The following ABHD12 variants were observed in gnomAD, a reference collection of about 807,000 sequenced individuals.
ABHD12 encodes the protein abhydrolase domain containing 12, lysophospholipase.
ABHD12 carries 43 observed loss-of-function variants against 58.3 expected under a neutral mutation model. The observed-to-expected ratio is 0.74, with a 90% CI of 0.58 to 0.95. The LOEUF (loss-of-function observed/expected upper bound fraction) is 0.95. ABHD12 is among the 40% of genes least tolerant of loss of function. The pLI is 0.00. For synonymous variants in ABHD12, 219 were observed against 211.2 expected, an observed-to-expected ratio of 1.04 and a Z score of -0.32; for missense variants, 539 against 537.2, an observed-to-expected ratio of 1.00 and a Z score of -0.03.
rs1201588127 is a variant in ABHD12, at chr20:25,383,954, CAAAAAAAAAA to C, written c.191+6549_191+6558del. Among the ~76,000 whole-genome samples, 269 of 53,366 alleles carry C rather than the reference CAAAAAAAAAA, an allele frequency of 5.0e-3. 2 individuals are homozygous for C. The highest frequency in any genetic ancestry group is 0.013 in the African/African-American group (248 of 18,406). The allele number at this position is 53,366 out of a possible 152,430, so 35.0% of individuals were successfully genotyped here. A position where few individuals can be genotyped will look rare whatever the true frequency, so the allele number is the denominator to read the frequency against. On this transcript the variant is annotated intron_variant, in intron 1 of 12. Transcript: ENST00000339157. ...TGGGCAACAGAGGGAGACTCTTTCT[CAAAAAAAAAA>C]AAAAAAAAAAGAAAAAAAAGAAAAA...
chr20:25,370,672 C>G (rs547918390), intron 1 of ABHD12, among the ~76,000 whole-genome samples: 10 of 152,256 alleles, frequency 6.6e-5, no homozygotes, highest in Admixed American at 2.0e-4. Context: ...CCTGGGCAAG[C>G]TACTTAACCA....
intron 1 of ABHD12, among the ~76,000 whole-genome samples, chr20:25,355,560 T>G (rs114459638): frequency 0.011 from 1,705 of 152,282 alleles, 32 homozygotes; most frequent in African/African-American, 0.036. Flanking sequence ...CGGTTTTTTT[T>G]TTGTTGTTTG....
chr20:25,319,341 G>A (rs2089022839), intron 4 of ABHD12, among the ~76,000 whole-genome samples: 1 of 152,232 alleles, frequency 6.6e-6, no homozygotes, highest in African/African-American at 2.4e-5. Context: ...CTCAGGAAAA[G>A]CATCTGAGAT....
chr20:25,295,472 G>A (rs2424705), downstream of ABHD12: 171,949 of 1,003,746 alleles, frequency 0.17, 16,138 homozygotes, highest in East Asian at 0.33. Flanking sequence ...GACCAGCTGC[G>A]TGGGTGGGCC....
chr20:25,296,648 G>A (rs1476078405), downstream of ABHD12: 2 of 1,247,448 alleles, frequency 1.6e-6, no homozygotes, highest in Admixed American at 2.5e-5. Flanking sequence ...GTTTCCAGGA[G>A]GGGCCATGGG....
chr20:25,384,606 A>T (rs2090064155), intron 1 of ABHD12, among the ~76,000 whole-genome samples: 1 of 152,048 alleles, frequency 6.6e-6, no homozygotes, highest in Non-Finnish European at 1.5e-5. Flanking sequence ...TTAGCTAGGC[A>T]TGGTGGTGGG....
At chr20:25,314,200 T>C (rs2088918099) in intron 6 of ABHD12, among the ~76,000 whole-genome samples, 1 of 152,118 alleles carries the variant, frequency 6.6e-6, no homozygotes, top group Admixed American at 6.5e-5. Flanking sequence ...CACGAACTCC[T>C]GACCTCAAGT....
At chr20:25,381,933 C>T (rs571791391) in intron 1 of ABHD12, among the ~76,000 whole-genome samples, 2 of 152,174 alleles carry the variant, frequency 1.3e-5, no homozygotes, top group Non-Finnish European at 2.9e-5. Flanking sequence ...GCTGGGATTA[C>T]AGGCATGAGC....
At chr20:25,325,948 A>C (rs948238808) in intron 2 of ABHD12, among the ~76,000 whole-genome samples, 12 of 151,786 alleles carry the variant, frequency 7.9e-5, no homozygotes, top group South Asian at 4.2e-4. Flanking sequence ...GTGTGCACCT[A>C]TAATCCCAGC....
chr20:25,374,744 C>T (rs2089941426), intron 1 of ABHD12, among the ~76,000 whole-genome samples: 1 of 152,178 alleles, frequency 6.6e-6, no homozygotes, highest in African/African-American at 2.4e-5. Flanking sequence ...AGGTGATCCT[C>T]CCGCCTCGGC....
chr20:25,310,224 A>AG, intron 6 of ABHD12: 1 of 153,468 alleles, frequency 6.5e-6, no homozygotes, highest in Non-Finnish European at 1.5e-5. Flanking sequence ...AGGCTTGGTC[A>AG]GGGGCAGGAC....
At chr20:25,344,520 A>T (rs1049424549) in intron 1 of ABHD12, among the ~76,000 whole-genome samples, 1 of 152,264 alleles carries the variant, frequency 6.6e-6, no homozygotes, top group Non-Finnish European at 1.5e-5. Flanking sequence ...GATGAAACGT[A>T]TAAAGGAAGA....
chr20:25,386,717 T>C (rs1003413238), intron 1 of ABHD12, among the ~76,000 whole-genome samples: 12 of 151,704 alleles, frequency 7.9e-5, no homozygotes, highest in Non-Finnish European at 1.6e-4. Context: ...CCCGTCTCCA[T>C]TAAAAATACA....
chr20:25,313,487 T>C (rs1222902085), intron 6 of ABHD12, among the ~76,000 whole-genome samples: 4 of 152,138 alleles, frequency 2.6e-5, no homozygotes, highest in African/African-American at 9.7e-5. Context: ...CCAGAGACCT[T>C]TGTTCACTTG....
At position 25,360,381 on chromosome 20, in the gene ABHD12, C is replaced by A. The variant is rs374530436; in HGVS notation, c.192-21030G>T. Among the ~76,000 whole-genome samples, 5 of 151,622 alleles carry A rather than the reference C, an allele frequency of 3.3e-5. No homozygotes were observed. The East Asian group carries it at 5.8e-4, about 18-fold the overall frequency. ...TCAGCCTCCCAAGTAGCTGGGATTA[C>A]AGGCATGCACCACCACGCCCGACTA... On this transcript the variant is annotated intron_variant, in intron 1 of 12. Coordinates refer to ENST00000339157, the MANE Select transcript of ABHD12 (RefSeq NM_001042472.3).
chr20:25,320,765 T>C (rs982531765), intron 3 of ABHD12, among the ~76,000 whole-genome samples: 1 of 152,258 alleles, frequency 6.6e-6, no homozygotes, highest in African/African-American at 2.4e-5. Flanking sequence ...CATTTGCTAA[T>C]TCAGCAACAC....
intron 2 of ABHD12, among the ~76,000 whole-genome samples, chr20:25,338,370 T>C (rs1290120964): frequency 6.6e-6 from 1 of 152,148 alleles, no homozygotes; most frequent in African/African-American, 2.4e-5. Context: ...CCTCATCCTG[T>C]TCTAATGCTG....
In ABHD12 at chr20:25,390,767, A is replaced by C; in HGVS notation, c.-64T>G. 2 of 1,026,730 alleles carry C rather than the reference A, an allele frequency of 1.9e-6. No individual in the cohort carries two copies. The highest frequency in any genetic ancestry group is 1.2e-6 in the Non-Finnish European group (1 of 812,646). The allele number at this position is 1,026,730 out of a possible 1,614,324, so 63.6% of individuals were successfully genotyped here. Reference sequence around the variant, plus strand: ...GGCCTGCGCCGCAGTGCCGCCGCTCACAGCCGCCGCCACCCAGAGCCCGGA... The same window carrying C: ...GGCCTGCGCCGCAGTGCCGCCGCTCCCAGCCGCCGCCACCCAGAGCCCGGA... On this transcript the variant is annotated 5_prime_UTR_variant, in exon 1 of 13. Transcript: ENST00000339157.
chr20:25,313,524 T>C (rs1252101805), intron 6 of ABHD12, among the ~76,000 whole-genome samples: 1 of 151,222 alleles, frequency 6.6e-6, no homozygotes. Context: ...CCCTCCACTA[T>C]TGTCCTATGA....
Sources: gnomAD v4.1 joint callset for allele counts (sites outside exome capture counted in the v4.1 genomes callset) on GRCh38, gnomAD v4.1.1 for gene constraint, MANE v1.5 for transcripts, NCBI Gene and HGNC (gene_info 2026-07-23, HGNC 2026-07-21) for gene names.